Variants in ZNF620 observed in about 807,000 individuals in gnomAD.
ZNF620 encodes zinc finger protein 620.
ZNF620 carries 10 observed loss-of-function variants against 13.3 expected under a neutral mutation model. The ratio of observed to expected loss-of-function variants is 0.75; its 90% CI spans 0.46 to 1.28. The LOEUF (loss-of-function observed/expected upper bound fraction) is 1.28, where lower values mean the gene tolerates loss of function less well. ZNF620 is among the 50% of genes most tolerant of loss of function. ZNF620 has a pLI of 0.00. For missense variants in ZNF620, 461 were observed against 500.2 expected, an observed-to-expected ratio of 0.92 and a Z score of 0.75; for synonymous variants, 166 against 177.6, an observed-to-expected ratio of 0.93 and a Z score of 0.52.
At position 40,517,218 on chromosome 3, in the gene ZNF620, A is replaced by C; in HGVS notation, c.*355A>C. On this transcript the variant is annotated 3_prime_UTR_variant, in exon 5 of 5. Transcript: ENST00000314529. ...CATGGAGAAAAAATGAGACCCTAAA[A>C]AGTTTCTAGAGAGAGAAAACAAAAG... 6.1e-6 allele frequency: 1 copy of C among 163,696 alleles called. No individual in the cohort carries two copies. Among genetic ancestry groups the C allele is most frequent in the Non-Finnish European group, 1.3e-5 (1 of 75,412 alleles). The allele number at this position is 163,696 out of a possible 1,614,324, so 10.1% of individuals were successfully genotyped here.
intron 2 of ZNF620, chr3:40,508,640 T>C (rs780815882): frequency 2.0e-5 from 8 of 401,300 alleles, no homozygotes; most frequent in South Asian, 1.4e-4. Context: ...CTTTTTTTTT[T>C]TTCTTTTTTC....
chr3:40,516,109 A>G lies in ZNF620; in HGVS notation c.515A>G (p.Lys172Arg). 6.2e-7 allele frequency: 1 copy of G among 1,614,136 alleles called. No homozygotes were observed. The highest frequency in any genetic ancestry group is 8.5e-7 in the Non-Finnish European group (1 of 1,180,016). The change falls in exon 5 of 5, where the codon AAA becomes AGA. Residue 172 changes from lysine (K) to arginine (R), a missense_variant. Transcript: ENST00000314529. ...GTCAAGAATGGAGAGAAGTTTGAGA[A>G]ATTAGGAAAAAATATTAGCGTCAGC... ...YEVKNGEKFEKLGKNISVSTQ... is the reference protein window; with the variant it reads ...YEVKNGEKFERLGKNISVSTQ...
At chr3:40,515,712 T>A (rs1698350205) in intron 4 of ZNF620, 148 bp from the exon 5 acceptor site, 1 of 951,832 alleles carries the variant, frequency 1.1e-6, no homozygotes, top group Non-Finnish European at 1.5e-6. Context: ...TGTGAGCATA[T>A]TAGAAAATAT....
At chr3:40,513,316 A>AAATATATATAT (rs1193351404) in intron 4 of ZNF620, among the ~76,000 whole-genome samples, 1 of 62,674 alleles carries the variant, frequency 1.6e-5, no homozygotes, top group African/African-American at 8.5e-5. Context: ...AAAAAAAAAA[A>AAATATATATAT]ATATATATAT....
At chr3:40,509,876 T>C (rs1411435369) in intron 2 of ZNF620, among the ~76,000 whole-genome samples, 4 of 152,190 alleles carry the variant, frequency 2.6e-5, no homozygotes, top group Non-Finnish European at 5.9e-5. Flanking sequence ...GCTCACTTCT[T>C]TTCTTTCCTG....
chr3:40,513,815 C>G lies in ZNF620; in HGVS notation c.265+1300C>G, dbSNP rs376973944. Reference sequence around the variant, plus strand: ...AATAATCTCTGTTCTACAATTATAACCTAGGAAAAACCAGGCCATACAGAG... The same window carrying G: ...AATAATCTCTGTTCTACAATTATAAGCTAGGAAAAACCAGGCCATACAGAG... On this transcript the variant is annotated intron_variant, in intron 4 of 4. Coordinates refer to ENST00000314529, the MANE Select transcript of ZNF620 (RefSeq NM_175888.4). 2.0e-5 allele frequency among the ~76,000 whole-genome samples: 3 copies of G among 152,086 alleles called. No individual in the cohort carries two copies. The East Asian group carries it at 5.8e-4, about 29-fold the overall frequency.
rs751141427 is a variant in ZNF620, at chr3:40,516,501, A to G, written c.907A>G (p.Thr303Ala). Residue 303 changes from threonine (T) to alanine (A), a missense_variant, in exon 5 of 5, where the codon ACT (threonine) becomes GCT (alanine). Thr to Ala is a moderately conservative substitution (Grantham distance 58, BLOSUM62 0). Transcript: ENST00000314529. ...CTTCCTCCAGCACCAGAGGTTCCACACTGGGGAGAAGCTCTATGAATGTAA... is the reference window on the plus strand; with the variant it reads ...CTTCCTCCAGCACCAGAGGTTCCACGCTGGGGAGAAGCTCTATGAATGTAA... Reference protein sequence around the residue: ...SVFLQHQRFHTGEKLYECNEC... With the variant: ...SVFLQHQRFHAGEKLYECNEC... The G allele has an allele frequency of 5.6e-6, 9 of 1,614,186 alleles. No homozygotes were observed. Among genetic ancestry groups the G allele is most frequent in the Middle Eastern group, 3.3e-4 (2 of 6,062 alleles).
Position 40,506,393 on chromosome 3 carries a change from T to TTCCCCC in ZNF620, c.24+17_24+18insTCCCCC. On this transcript the variant is annotated intron_variant, in intron 2 of 4. Transcript: ENST00000314529. ...TGGCGCCAGGTGAGTGAGCATCCTC[T>TTCCCCC]CCCTCCCTCCCACCCTTTAGATGTC... is the stretch of plus-strand genomic sequence containing the variant. 7.1e-6 allele frequency: 11 copies of TTCCCCC among 1,555,974 alleles called. No individual in the cohort carries two copies. Among genetic ancestry groups the TTCCCCC allele is most frequent in the Non-Finnish European group, 8.8e-6 (10 of 1,132,274 alleles).
chr3:40,511,957 C>T (rs570016803), intron 3 of ZNF620, among the ~76,000 whole-genome samples: 2 of 152,204 alleles, frequency 1.3e-5, no homozygotes, highest in African/African-American at 4.8e-5. Flanking sequence ...GCTGGGAAGA[C>T]ATGTGTGAGC....
Position 40,516,829 on chromosome 3 carries a change from A to C in ZNF620, c.1235A>C (p.Lys412Thr), listed in dbSNP as rs1452071392. The change falls in exon 5 of 5, where the codon AAA (lysine) becomes ACA (threonine). Residue 412 changes from lysine to threonine, a missense_variant. Transcript: ENST00000314529. The part of the protein sequence containing the change: ...SWCGRFILHQ[K>T]LHTQKTPVQA The stretch of plus-strand genomic sequence containing the variant: ...TGTGGAAGATTCATTCTGCATCAGA[A>C]ACTACACACTCAGAAGACACCTGTC... 1 of 1,612,650 alleles carries C rather than the reference A, an allele frequency of 6.2e-7. No individual in the cohort carries two copies.
Position 40,516,732 on chromosome 3 carries a change from A to ATTC in ZNF620, c.1139_1141dup (p.Ile380_Gln381insLeu). 6.2e-7 allele frequency: 1 copy of ATTC among 1,614,248 alleles called. No individual in the cohort carries two copies. On this transcript the variant is annotated inframe_insertion, in exon 5 of 5. Coordinates refer to ENST00000314529, the MANE Select transcript of ZNF620 (RefSeq NM_175888.4). ...GGCATTCAATCAGAAAATAACCCTG[A>ATTC]TTCAGCACCAGCGAGTTCACACTGG... is the stretch of plus-strand genomic sequence containing the variant.
intron 4 of ZNF620, among the ~76,000 whole-genome samples, chr3:40,515,567 A>G (rs555372789): frequency 1.3e-5 from 2 of 152,214 alleles, no homozygotes; most frequent in East Asian, 3.9e-4. Context: ...TTTCTGCCCT[A>G]ATTAACAGTC....
chr3:40,516,544 T>C lies in ZNF620; in HGVS notation c.950T>C (p.Phe317Ser). The change falls in exon 5 of 5, where the codon TTC becomes TCC. Residue 317 changes from phenylalanine (F) to serine (S), a missense_variant. Phe to Ser is a radical substitution (Grantham distance 155, BLOSUM62 -2). Coordinates refer to ENST00000314529, the MANE Select transcript of ZNF620 (RefSeq NM_175888.4). ...GAATGTAACGAATGTTGGAAAACTT[T>C]CAGTTGCAGCTCAAGTTTCACTGTC... ...LYECNECWKT[F>S]SCSSSFTVHQ... The C allele has an allele frequency of 6.2e-7, 1 of 1,614,210 alleles. No homozygotes were observed. Among genetic ancestry groups the C allele is most frequent in the Non-Finnish European group, 8.5e-7 (1 of 1,180,034 alleles).
chr3:40,517,235 A>G lies in ZNF620; in HGVS notation c.*372A>G, dbSNP rs1358925493. On this transcript the variant is annotated 3_prime_UTR_variant, in exon 5 of 5. Transcript: ENST00000314529. ...ACCCTAAAAAGTTTCTAGAGAGAGA[A>G]AACAAAAGATCAGAAATGAAAGCGG... 1 of 159,986 alleles carries G rather than the reference A, an allele frequency of 6.3e-6. No individual in the cohort carries two copies. The highest frequency in any genetic ancestry group is 1.4e-5 in the Non-Finnish European group (1 of 73,124). 9.9% of individuals were successfully genotyped at this position (159,986 alleles called of 1,614,324 possible).
intron 2 of ZNF620, among the ~76,000 whole-genome samples, chr3:40,510,471 A>C (rs1385198593): frequency 6.7e-6 from 1 of 149,962 alleles, no homozygotes; most frequent in Non-Finnish European, 1.5e-5. Flanking sequence ...ATGTGTAGAT[A>C]TTTTTCATTC....
In ZNF620 at chr3:40,516,023, G is replaced by T; in HGVS notation, c.429G>T (p.Lys143Asn). 6.2e-7 allele frequency: 1 copy of T among 1,614,134 alleles called. No homozygotes were observed. Among genetic ancestry groups the T allele is most frequent in the Non-Finnish European group, 8.5e-7 (1 of 1,180,026 alleles). Residue 143 changes from lysine to asparagine, a missense_variant, in exon 5 of 5, where the codon AAG becomes AAT. By Grantham distance (94) the Lys-to-Asn change is moderately conservative. Coordinates refer to ENST00000314529, the MANE Select transcript of ZNF620 (RefSeq NM_175888.4). The stretch of plus-strand genomic sequence containing the variant: ...AGCCACAAGGTCATTGGATAATTAA[G>T]ACAAAGTCAAAGAGGAGACATTTCA... ...LEQPQGHWIIKTKSKRRHFTD... is the reference protein window; with the variant it reads ...LEQPQGHWIINTKSKRRHFTD...
chr3:40,514,908 T>G (rs371989324), intron 4 of ZNF620, among the ~76,000 whole-genome samples: 7 of 152,216 alleles, frequency 4.6e-5, no homozygotes, highest in African/African-American at 1.7e-4. Flanking sequence ...AGTCTTGAGT[T>G]TAAGTTGTAC....
At chr3:40,508,501 T>G (rs1698097655) in intron 2 of ZNF620, among the ~76,000 whole-genome samples, 1 of 152,244 alleles carries the variant, frequency 6.6e-6, no homozygotes, top group African/African-American at 2.4e-5. Flanking sequence ...TCAAATTTAA[T>G]TGCATTACAG....
At chr3:40,506,263 G>C in intron 1 of ZNF620, 41 bp from the exon 2 acceptor site, 6 of 1,540,382 alleles carry the variant, frequency 3.9e-6, no homozygotes, top group Non-Finnish European at 5.4e-6. Flanking sequence ...GGGGTGCGAG[G>C]CAGCATCAAT....
Sources: allele counts gnomAD v4.1 joint callset (sites outside exome capture counted in the v4.1 genomes callset), GRCh38; gene constraint gnomAD v4.1.1; transcripts MANE v1.5; gene names NCBI Gene and HGNC (gene_info 2026-07-23, HGNC 2026-07-21).